Variants in USP37 observed in about 807,000 individuals in gnomAD.
USP37 encodes the protein ubiquitin carboxyl-terminal hydrolase 37.
USP37 carries 27 observed loss-of-function variants against 124.0 expected under a neutral mutation model. The observed-to-expected ratio is 0.22, with a 90% CI of 0.16 to 0.30. USP37 has a LOEUF of 0.30. Ranked by LOEUF, USP37 falls within the 10% of genes least tolerant of loss-of-function variation. The pLI, the probability that USP37 is intolerant of heterozygous loss-of-function variation, is 1.00. For missense variants in USP37, 889 were observed against 1,140.4 expected (o/e 0.78, Z 3.17); for synonymous variants, 365 against 388.0 (o/e 0.94, Z 0.70).
At chr2:218,519,192 G>C (rs757421563) in intron 10 of USP37, among the ~76,000 whole-genome samples, 16 of 152,260 alleles carry the variant, frequency 1.1e-4, no homozygotes, top group Non-Finnish European at 2.2e-4. Flanking sequence ...GTGAAAAAAT[G>C]TACATCTAAG....
chr2:218,488,175 C>CAAAAAA (rs66581703), intron 15 of USP37, 129 bp downstream of exon 15: 107 of 349,844 alleles, frequency 3.1e-4, no homozygotes, highest in African/African-American at 1.2e-3. Context: ...GACCCTGTCT[C>CAAAAAA]AAAAAAAAAA....
intron 10 of USP37, among the ~76,000 whole-genome samples, chr2:218,521,853 G>A (rs1259001618): frequency 1.3e-5 from 2 of 152,108 alleles, no homozygotes; most frequent in Non-Finnish European, 2.9e-5. Context: ...TGCATCCCCT[G>A]TAATAATCAC....
chr2:218,459,151 C>G (rs548028634), intron 23 of USP37, among the ~76,000 whole-genome samples: 21 of 151,678 alleles, frequency 1.4e-4, no homozygotes, highest in African/African-American at 4.4e-4. Flanking sequence ...GAGGAACAAC[C>G]GTTTTTGGTA....
At chr2:218,484,285 C>A (rs971201084) in intron 16 of USP37, among the ~76,000 whole-genome samples, 1 of 152,088 alleles carries the variant, frequency 6.6e-6, no homozygotes, top group African/African-American at 2.4e-5. Flanking sequence ...AGATTACAGG[C>A]GTGAACCACC....
chr2:218,547,765 GT>G (rs1692440783), intron 6 of USP37, among the ~76,000 whole-genome samples: 2 of 152,114 alleles, frequency 1.3e-5, no homozygotes, highest in Admixed American at 1.3e-4. Flanking sequence ...GAGGGTTCTA[GT>G]TTGGAGGAAT....
chr2:218,489,357 CAAAA>C (rs35890265), intron 14 of USP37, among the ~76,000 whole-genome samples: 1 of 123,584 alleles, frequency 8.1e-6, no homozygotes. Context: ...GACTCTGTCT[CAAAA>C]AAAAAAAAAA....
At chr2:218,469,194 C>T (rs1390484046) in intron 20 of USP37, among the ~76,000 whole-genome samples, 1 of 152,034 alleles carries the variant, frequency 6.6e-6, no homozygotes, top group Non-Finnish European at 1.5e-5. Context: ...ACAGATAATC[C>T]CAATTAAACA....
In USP37 at chr2:218,485,635, CAAAAAAAAA is replaced by C. The variant is rs60749670; in HGVS notation, c.1670+20_1670+28del. On this transcript the variant is annotated intron_variant, in intron 16 of 25. Transcript: ENST00000258399. ...TACCTGGGAATTCTTTAGTCCATAG[CAAAAAAAAA>C]AAAAAAAAAAAAAAATTACCTAGGA... is the stretch of plus-strand genomic sequence containing the variant. 1.2e-4 allele frequency: 160 copies of C among 1,298,310 alleles called. No individual in the cohort carries two copies. Among genetic ancestry groups the C allele is most frequent in the South Asian group, 5.5e-4 (33 of 60,286 alleles). 80.4% of individuals were successfully genotyped at this position (1,298,310 alleles called of 1,614,324 possible).
intron 16 of USP37, among the ~76,000 whole-genome samples, chr2:218,482,963 C>T (rs1026821835): frequency 6.6e-6 from 1 of 152,100 alleles, no homozygotes; most frequent in Non-Finnish European, 1.5e-5. Flanking sequence ...TTTCAAACAT[C>T]TTATGGGAAT....
At position 218,453,079 on chromosome 2, in the gene USP37, G is replaced by C. The variant is rs1299304086; in HGVS notation, c.*1851C>G. The C allele has an allele frequency of 2.6e-5, 4 of 152,172 alleles. No homozygotes were observed. The highest frequency in any genetic ancestry group is 5.9e-5 in the Non-Finnish European group (4 of 68,022). The allele number at this position is 152,172 out of a possible 1,614,324, so 9.4% of individuals were successfully genotyped here. A position where few individuals can be genotyped will look rare whatever the true frequency, so the allele number is the denominator to read the frequency against. On this transcript the variant is annotated 3_prime_UTR_variant, in exon 26 of 26. Coordinates refer to ENST00000258399, the MANE Select transcript of USP37 (RefSeq NM_020935.3). ...ATATAGGTAGATGGTAGGAGGCAAAGCATTTATCAGTAGTTGAGCAAAACT... is the reference window on the plus strand; with the variant it reads ...ATATAGGTAGATGGTAGGAGGCAAACCATTTATCAGTAGTTGAGCAAAACT...
At chr2:218,486,186 T>A (rs1691550312) in intron 15 of USP37, 2 of 153,382 alleles carry the variant, frequency 1.3e-5, no homozygotes, top group South Asian at 4.1e-4. Flanking sequence ...AACTCAATCT[T>A]CTCGTGACAG....
chr2:218,567,988 G>A (rs954483004), intron 1 of USP37, among the ~76,000 whole-genome samples, 190 bp downstream of exon 1: 1 of 152,226 alleles, frequency 6.6e-6, no homozygotes, highest in Non-Finnish European at 1.5e-5. Flanking sequence ...AGTCAAAGGA[G>A]AGGTGGAAGC....
intron 22 of USP37, among the ~76,000 whole-genome samples, chr2:218,462,859 C>T (rs579610): frequency 2.0e-5 from 3 of 151,688 alleles, no homozygotes; most frequent in Non-Finnish European, 2.9e-5. Context: ...GGTTCTATTT[C>T]TTTACCTGGG....
chr2:218,456,907 C>T (rs1318657027), intron 24 of USP37, among the ~76,000 whole-genome samples, 185 bp downstream of exon 24: 1 of 151,552 alleles, frequency 6.6e-6, no homozygotes, highest in Non-Finnish European at 1.5e-5. Context: ...GAGGTGGAGG[C>T]TGCAGTGAGC....
chr2:218,460,956 A>G (rs1178472231), intron 22 of USP37, among the ~76,000 whole-genome samples: 1 of 152,048 alleles, frequency 6.6e-6, no homozygotes, highest in Non-Finnish European at 1.5e-5. Context: ...ATAAAAATAA[A>G]AAAAAAATCA....
chr2:218,458,799 G>A (rs531791460), intron 23 of USP37, among the ~76,000 whole-genome samples: 7 of 152,114 alleles, frequency 4.6e-5, no homozygotes, highest in Non-Finnish European at 8.8e-5. Flanking sequence ...GGGTGTGGCA[G>A]TGTGTGCCTC....
chr2:218,552,934 C>G lies in USP37; in HGVS notation c.328+619G>C, dbSNP rs143762944. 4.0e-3 allele frequency among the ~76,000 whole-genome samples: 602 copies of G among 151,338 alleles called. 4 individuals are homozygous for G. Among genetic ancestry groups the G allele is most frequent in the African/African-American group, 0.014 (556 of 40,722 alleles). On this transcript the variant is annotated intron_variant, in intron 5 of 25. Coordinates refer to ENST00000258399, the MANE Select transcript of USP37 (RefSeq NM_020935.3). Reference sequence around the variant, plus strand: ...CTCCATTTCAAAACAAACAAACAAACAAACAAACAAATAAATAAATAATAA... The same window carrying G: ...CTCCATTTCAAAACAAACAAACAAAGAAACAAACAAATAAATAAATAATAA...
intron 10 of USP37, among the ~76,000 whole-genome samples, chr2:218,520,374 A>T (rs1690538973): frequency 1.7e-5 from 2 of 118,084 alleles, no homozygotes; most frequent in African/African-American, 3.2e-5. Context: ...CCAGAGACAG[A>T]GTTTTGTTCT....
intron 10 of USP37, chr2:218,528,802 TGAAAAAAAAAAAAAAAAAAAA>T: frequency 8.0e-5 from 1 of 12,434 alleles, no homozygotes; most frequent in Non-Finnish European, 2.1e-4. Context: ...CCAATAAATC[TGAAAAAAAAAAAAAAAAAAAA>T]AAAAAAAAAA....
Sources: gnomAD v4.1 joint callset for allele counts (sites outside exome capture counted in the v4.1 genomes callset) on GRCh38, gnomAD v4.1.1 for gene constraint, MANE v1.5 for transcripts, NCBI Gene and HGNC (gene_info 2026-07-23, HGNC 2026-07-21) for gene names.